The following COX10 variants were observed in gnomAD, a reference collection of about 807,000 sequenced individuals.
The protein encoded by COX10 is cytochrome c oxidase assembly factor heme A:farnesyltransferase COX10, also known as protoheme IX farnesyltransferase, mitochondrial.
A neutral mutation model predicts 37.3 loss-of-function variants in COX10; 27 were observed. The ratio of observed to expected loss-of-function variants is 0.72; its 90% CI spans 0.53 to 1.00. The LOEUF (loss-of-function observed/expected upper bound fraction) is 1.00. COX10 is among the 50% of genes least tolerant of loss of function. The probability of loss-of-function intolerance (pLI) is 0.00; values close to 1 mark genes in which losing one functional copy is unlikely to be tolerated. For missense variants in COX10, 475 were observed against 563.2 expected (o/e 0.84, Z 1.59); for synonymous variants, 222 against 229.1 (o/e 0.97, Z 0.28).
intron 4 of COX10, among the ~76,000 whole-genome samples, chr17:14,126,864 G>T (rs962516725): frequency 5.9e-5 from 9 of 151,842 alleles, no homozygotes; most frequent in Non-Finnish European, 1.3e-4. Context: ...AATTTATGGG[G>T]AAATATTTAC....
At chr17:14,173,277 T>A (rs1905539875) in intron 5 of COX10, among the ~76,000 whole-genome samples, 2 of 152,138 alleles carry the variant, frequency 1.3e-5, no homozygotes, top group South Asian at 4.1e-4. Context: ...GAGAAAGAAA[T>A]GACCTCCTAG....
intron 3 of COX10, among the ~76,000 whole-genome samples, chr17:14,093,579 TGC>T (rs1915576195): frequency 6.6e-6 from 1 of 152,222 alleles, no homozygotes; most frequent in African/African-American, 2.4e-5. Context: ...AAATTTGTAC[TGC>T]GAGTCCTGTA....
chr17:14,156,822 T>C (rs992936667), intron 4 of COX10, among the ~76,000 whole-genome samples: 1 of 152,210 alleles, frequency 6.6e-6, no homozygotes, highest in Non-Finnish European at 1.5e-5. Flanking sequence ...CATAATCCTT[T>C]GCACAACTCT....
intron 4 of COX10, among the ~76,000 whole-genome samples, chr17:14,110,177 C>T (rs1266734852): frequency 1.3e-5 from 2 of 151,968 alleles, no homozygotes; most frequent in Non-Finnish European, 2.9e-5. Flanking sequence ...GAGAAGGAAA[C>T]ATGTTTATTT....
chr17:14,182,626 G>C (rs1307694012), intron 5 of COX10, among the ~76,000 whole-genome samples: 1 of 152,020 alleles, frequency 6.6e-6, no homozygotes, highest in Non-Finnish European at 1.5e-5. Flanking sequence ...CTCCAATGTG[G>C]GATTTACGCA....
chr17:14,101,421 G>A (rs967101228), intron 3 of COX10, among the ~76,000 whole-genome samples: 4 of 152,110 alleles, frequency 2.6e-5, no homozygotes, highest in African/African-American at 9.7e-5. Flanking sequence ...TTCTACAGCT[G>A]CATATCAGCA....
chr17:14,089,139 A>T (rs1291853098), intron 3 of COX10, among the ~76,000 whole-genome samples: 9 of 152,162 alleles, frequency 5.9e-5, no homozygotes, highest in Admixed American at 3.9e-4. Context: ...CTCTGTCCTG[A>T]TAGCCCTCAC....
At chr17:14,139,397 G>T (rs565189559) in intron 4 of COX10, among the ~76,000 whole-genome samples, 69 of 152,164 alleles carry the variant, frequency 4.5e-4, no homozygotes, top group African/African-American at 1.6e-3. Flanking sequence ...TAGCAAATTT[G>T]CTGGTGGACT....
At chr17:14,115,211 C>T (rs1325104179) in intron 4 of COX10, among the ~76,000 whole-genome samples, 3 of 152,078 alleles carry the variant, frequency 2.0e-5, no homozygotes, top group Non-Finnish European at 4.4e-5. Context: ...TCAGATCTGT[C>T]ATTTAAAAAT....
intron 5 of COX10, among the ~76,000 whole-genome samples, chr17:14,163,481 C>T (rs1421208138): frequency 6.6e-6 from 1 of 152,076 alleles, no homozygotes; most frequent in African/African-American, 2.4e-5. Context: ...GTCTTGAACT[C>T]CTGACCTCAA....
intron 4 of COX10, among the ~76,000 whole-genome samples, chr17:14,110,597 G>A (rs1225539895): frequency 1.3e-5 from 2 of 151,888 alleles, no homozygotes; most frequent in African/African-American, 2.4e-5. Context: ...TCAAAGTAAC[G>A]CTCTTTTCTA....
At chr17:14,148,180 C>T (rs1904782224) in intron 4 of COX10, among the ~76,000 whole-genome samples, 1 of 152,150 alleles carries the variant, frequency 6.6e-6, no homozygotes, top group Non-Finnish European at 1.5e-5. Flanking sequence ...AACATTGCCC[C>T]AGTCACCACA....
chr17:14,196,055 T>A (rs1240850278), intron 6 of COX10, among the ~76,000 whole-genome samples: 3 of 151,560 alleles, frequency 2.0e-5, no homozygotes, highest in African/African-American at 7.3e-5. Context: ...AAAAAAAAAA[T>A]GGCCAAAAAG....
chr17:14,152,060 A>G (rs1026342588), intron 4 of COX10, among the ~76,000 whole-genome samples: 1 of 152,214 alleles, frequency 6.6e-6, no homozygotes, highest in African/African-American at 2.4e-5. Context: ...ACATGAATAT[A>G]CTGAAAAACT....
intron 4 of COX10, among the ~76,000 whole-genome samples, chr17:14,145,699 T>C (rs1242311869): frequency 6.6e-6 from 1 of 152,090 alleles, no homozygotes; most frequent in African/African-American, 2.4e-5. Context: ...GAAAGTAACA[T>C]GATAAGATTT....
chr17:14,174,568 A>C (rs1481326906), intron 5 of COX10, among the ~76,000 whole-genome samples: 1 of 152,196 alleles, frequency 6.6e-6, no homozygotes, highest in Non-Finnish European at 1.5e-5. Flanking sequence ...CATACGGGAA[A>C]TGCAAATTAA....
intron 4 of COX10, among the ~76,000 whole-genome samples, chr17:14,125,833 C>T (rs1400989137): frequency 6.6e-6 from 1 of 152,100 alleles, no homozygotes; most frequent in African/African-American, 2.4e-5. Flanking sequence ...ATATATTAGT[C>T]AAGGGCAAGA....
At chr17:14,191,934 G>T in intron 5 of COX10, 55 bp from the exon 6 acceptor site, 7 of 1,584,810 alleles carry the variant, frequency 4.4e-6, no homozygotes, top group Non-Finnish European at 5.2e-6. Context: ...ATTTTAGGTA[G>T]TGTGATTGAG....
intron 5 of COX10, among the ~76,000 whole-genome samples, chr17:14,161,019 C>G (rs1905161521): frequency 6.6e-6 from 1 of 152,150 alleles, no homozygotes; most frequent in African/African-American, 2.4e-5. Context: ...AATTTCTGTT[C>G]AGTCATTTTT....
Sources: gnomAD v4.1 joint callset for allele counts (sites outside exome capture counted in the v4.1 genomes callset) on GRCh38, gnomAD v4.1.1 for gene constraint, MANE v1.5 for transcripts, NCBI Gene and HGNC (gene_info 2026-07-23, HGNC 2026-07-21) for gene names.